The following PLEKHA1 variants were observed in gnomAD, a reference collection of about 807,000 sequenced individuals.
The protein encoded by PLEKHA1 is pleckstrin homology domain-containing family A member 1.
Under a neutral mutation model 52.0 loss-of-function variants are expected in PLEKHA1, and 34 were observed. That is an observed-to-expected ratio of 0.65 (90% CI 0.50 to 0.87). The LOEUF (loss-of-function observed/expected upper bound fraction) is 0.87. Among genes scored for constraint, PLEKHA1 ranks in the 40% least tolerant of loss-of-function variants. The pLI, the probability that PLEKHA1 is intolerant of heterozygous loss-of-function variation, is 0.00. For missense variants in PLEKHA1, 497 were observed against 504.2 expected, an observed-to-expected ratio of 0.99 and a Z score of 0.14; for synonymous variants, 163 against 170.7, an observed-to-expected ratio of 0.95 and a Z score of 0.35.
the PLEKHA1 span, chr10:122,437,972 G>A: frequency 6.6e-6 from 1 of 152,228 alleles, no homozygotes; most frequent in East Asian, 1.9e-4. Flanking sequence ...TTAAGACAGT[G>A]GCTTGGCCAG....
At chr10:122,417,879 G>A (rs769073318) in intron 7 of PLEKHA1, 21 bp from the exon 8 acceptor site, 1 of 1,579,278 alleles carries the variant, frequency 6.3e-7, no homozygotes, top group Non-Finnish European at 8.7e-7. Context: ...CAAGTCTTAT[G>A]TCTGTGTTCA....
At chr10:122,435,047 G>A (rs2097433333), downstream of PLEKHA1, 1 of 151,952 alleles carries the variant, frequency 6.6e-6, no homozygotes, top group Admixed American at 6.6e-5. Flanking sequence ...AAACATTTTT[G>A]CTTTAACAAA....
intron 5 of PLEKHA1, among the ~76,000 whole-genome samples, chr10:122,408,192 A>G (rs991210141): frequency 2.6e-5 from 4 of 152,224 alleles, no homozygotes. Flanking sequence ...ACTGTACTAA[A>G]TTCATGTTTT....
intron 8 of PLEKHA1, chr10:122,420,816 C>A (rs141415220): frequency 8.8e-4 from 134 of 152,270 alleles, no homozygotes; most frequent in African/African-American, 2.7e-3. Context: ...TCAGAGCCCA[C>A]GCAGGACAAG....
intron 1 of PLEKHA1, among the ~76,000 whole-genome samples, chr10:122,389,067 C>G (rs73366090): frequency 0.02 from 3,116 of 152,290 alleles, 95 homozygotes; most frequent in African/African-American, 0.071. Context: ...TGGACCTCCT[C>G]TTGTGAATCA....
intron 8 of PLEKHA1, chr10:122,418,896 T>A (rs2097218080): frequency 6.6e-6 from 1 of 152,338 alleles, no homozygotes; most frequent in Non-Finnish European, 1.5e-5. Flanking sequence ...TAGAACTTTC[T>A]GCACAAATGG....
chr10:122,400,442 T>C, intron 4 of PLEKHA1, 54 bp downstream of exon 4: 1 of 1,489,234 alleles, frequency 6.7e-7, no homozygotes, highest in Non-Finnish European at 9.1e-7. Context: ...TGTATCATAT[T>C]GTAAAAGAAA....
At chr10:122,388,718 G>C (rs72830792) in intron 1 of PLEKHA1, among the ~76,000 whole-genome samples, 4 of 152,098 alleles carry the variant, frequency 2.6e-5, no homozygotes, top group Non-Finnish European at 5.9e-5. Flanking sequence ...AGTCATCTCA[G>C]CCTCTTCAAA....
intron 4 of PLEKHA1, among the ~76,000 whole-genome samples, chr10:122,401,053 C>T (rs919578978): frequency 3.3e-5 from 5 of 152,136 alleles, no homozygotes; most frequent in South Asian, 2.1e-4. Context: ...GAGATGCTTA[C>T]GTTGGTGGCC....
intron 1 of PLEKHA1, among the ~76,000 whole-genome samples, chr10:122,382,943 A>G (rs1390047534): frequency 6.6e-6 from 1 of 152,216 alleles, no homozygotes; most frequent in South Asian, 2.1e-4. Flanking sequence ...ATTTTGTTAA[A>G]TAGTACCAGA....
intron 1 of PLEKHA1, among the ~76,000 whole-genome samples, chr10:122,384,608 CAA>C (rs59343401): frequency 0.44 from 51,806 of 118,608 alleles, 10,068 homozygotes; most frequent in East Asian, 0.62. Context: ...GACTCTGTCT[CAA>C]AAAAAAAAAA....
intron 4 of PLEKHA1, among the ~76,000 whole-genome samples, chr10:122,406,083 C>G (rs1375201088): frequency 6.6e-6 from 1 of 152,112 alleles, no homozygotes; most frequent in Non-Finnish European, 1.5e-5. Context: ...ACAACCAGTT[C>G]TGGTGAGGGG....
intron 8 of PLEKHA1, chr10:122,421,470 A>G (rs910850397): frequency 1.3e-5 from 2 of 152,210 alleles, no homozygotes; most frequent in Middle Eastern, 3.2e-3. Context: ...CATTTTGGGC[A>G]CAGTTTTCTG....
At chr10:122,394,238 C>T (rs1286394876) in intron 2 of PLEKHA1, among the ~76,000 whole-genome samples, 3 of 151,824 alleles carry the variant, frequency 2.0e-5, no homozygotes, top group Non-Finnish European at 2.9e-5. Flanking sequence ...CCACACCTGG[C>T]TAATTTTTTG....
Position 122,428,541 on chromosome 10 carries a change from A to G in PLEKHA1, c.901-1083A>G. 3 of 904,806 alleles carry G rather than the reference A, an allele frequency of 3.3e-6. No individual in the cohort carries two copies. In the South Asian group the frequency reaches 1.7e-4, roughly 50 times the overall value. 56.0% of individuals were successfully genotyped at this position (904,806 alleles called of 1,614,324 possible). A position where few individuals can be genotyped will look rare whatever the true frequency, so the allele number is the denominator to read the frequency against. On this transcript the variant is annotated intron_variant, in intron 11 of 11. Coordinates refer to ENST00000368990, the MANE Select transcript of PLEKHA1 (RefSeq NM_001001974.4). ...TATTTAAAAATAAAAAATAAAACAT[A>G]CAACTTTACTAACAGAAAGAGACAT...
intron 1 of PLEKHA1, among the ~76,000 whole-genome samples, chr10:122,380,311 C>T (rs1383170106): frequency 6.6e-6 from 1 of 152,152 alleles, no homozygotes; most frequent in African/African-American, 2.4e-5. Flanking sequence ...TAACAAATCC[C>T]TGCTGTCATG....
intron 1 of PLEKHA1, among the ~76,000 whole-genome samples, chr10:122,375,479 G>C (rs542559605): frequency 6.7e-6 from 1 of 149,356 alleles, no homozygotes; most frequent in South Asian, 2.1e-4. Flanking sequence ...GTGGCACCGG[G>C]GAGGCGACCA....
rs2097414137 is a variant in PLEKHA1 at position 122,431,241 on chromosome 10, TTCCCGAGTAGC to T, written c.*1305_*1315del. ...GTTCAAACAGTTGTGCTGCCTCAGC[TTCCCGAGTAGC>T]TAGGATTACAGGTGCATGCCACCAC... On this transcript the variant is annotated 3_prime_UTR_variant, in exon 12 of 12. Coordinates refer to ENST00000368990, the MANE Select transcript of PLEKHA1 (RefSeq NM_001001974.4). 1 of 125,296 alleles carries T rather than the reference TTCCCGAGTAGC, an allele frequency of 8.0e-6. No homozygotes were observed. The highest frequency in any genetic ancestry group is 2.8e-4 in the South Asian group (1 of 3,550). 7.8% of individuals were successfully genotyped at this position (125,296 alleles called of 1,614,324 possible).
intron 1 of PLEKHA1, among the ~76,000 whole-genome samples, chr10:122,391,578 A>G (rs887446738): frequency 6.6e-6 from 1 of 152,108 alleles, no homozygotes; most frequent in African/African-American, 2.4e-5. Flanking sequence ...CTATAGATGT[A>G]TAGGTTGAAA....
Sources: gnomAD v4.1 joint callset for allele counts (sites outside exome capture counted in the v4.1 genomes callset) on GRCh38, gnomAD v4.1.1 for gene constraint, MANE v1.5 for transcripts, NCBI Gene and HGNC (gene_info 2026-07-23, HGNC 2026-07-21) for gene names.